SPMIP2: variants seen among roughly 807,000 people sequenced by gnomAD.
The protein encoded by SPMIP2 is sperm microtubule inner protein 2, also known as protein SPMIP2.
the SPMIP2 span, among the ~76,000 whole-genome samples, chr4:158,929,298 A>G: frequency 6.6e-6 from 1 of 152,280 alleles, no homozygotes; most frequent in Admixed American, 6.5e-5. Flanking sequence ...GATTACAGGC[A>G]TAAGCCAACA....
chr4:158,948,385 G>A, the SPMIP2 span, among the ~76,000 whole-genome samples: 1 of 152,146 alleles, frequency 6.6e-6, no homozygotes, highest in East Asian at 1.9e-4. Context: ...CTCATTGGTT[G>A]GGTATAAAAT....
chr4:159,012,178 A>G, the SPMIP2 span, among the ~76,000 whole-genome samples: 1 of 152,196 alleles, frequency 6.6e-6, no homozygotes, highest in African/African-American at 2.4e-5. Context: ...CTGAGGTAGG[A>G]GGATCACTTG....
the SPMIP2 span, among the ~76,000 whole-genome samples, chr4:159,012,072 A>T: frequency 2.2e-5 from 3 of 137,270 alleles, no homozygotes; most frequent in African/African-American, 8.0e-5. Context: ...AAAAAAAAAA[A>T]TTATTCCTCA....
At chr4:159,034,238 T>A in the SPMIP2 span, among the ~76,000 whole-genome samples, 1 of 152,258 alleles carries the variant, frequency 6.6e-6, no homozygotes, top group South Asian at 2.1e-4. Context: ...GATATTATTA[T>A]AATTTCACAC....
At chr4:158,999,059 G>C in the SPMIP2 span, among the ~76,000 whole-genome samples, 1 of 151,962 alleles carries the variant, frequency 6.6e-6, no homozygotes, top group Non-Finnish European at 1.5e-5. Flanking sequence ...AGCTACTTGA[G>C]AGGTTGAGGC....
At chr4:159,057,260 T>C in the SPMIP2 span, among the ~76,000 whole-genome samples, 2 of 152,192 alleles carry the variant, frequency 1.3e-5, no homozygotes, top group African/African-American at 4.8e-5. Flanking sequence ...CAAGGAACAG[T>C]AGCTCTCATT....
chr4:158,893,196 A>T, the SPMIP2 span: 1 of 152,838 alleles, frequency 6.5e-6, no homozygotes, highest in African/African-American at 2.4e-5. Flanking sequence ...AATTAGGGAT[A>T]TAACTGCTTT....
chr4:158,969,996 G>A, the SPMIP2 span, among the ~76,000 whole-genome samples: 3 of 152,204 alleles, frequency 2.0e-5, no homozygotes, highest in African/African-American at 7.2e-5. Context: ...AGAACGAACA[G>A]GAAGTGGATT....
the SPMIP2 span, among the ~76,000 whole-genome samples, chr4:158,960,809 C>T: frequency 2.0e-5 from 3 of 151,752 alleles, no homozygotes; most frequent in Admixed American, 1.3e-4. Context: ...GATTTGAAAA[C>T]TCCTTTCAGA....
the SPMIP2 span, among the ~76,000 whole-genome samples, chr4:158,970,077 T>C: frequency 6.6e-6 from 1 of 152,226 alleles, no homozygotes; most frequent in South Asian, 2.1e-4. Flanking sequence ...CCTGGGTTAA[T>C]GCCACCACTC....
the SPMIP2 span, among the ~76,000 whole-genome samples, chr4:158,987,774 TATA>T: frequency 2.6e-5 from 4 of 151,888 alleles, no homozygotes; most frequent in Admixed American, 6.6e-5. Flanking sequence ...AAACTTAAAG[TATA>T]ATAATAATAA....
chr4:159,078,211 A>G, the SPMIP2 span, among the ~76,000 whole-genome samples: 1 of 152,236 alleles, frequency 6.6e-6, no homozygotes, highest in Non-Finnish European at 1.5e-5. Flanking sequence ...TATGTATTTT[A>G]CGTCATGATT....
chr4:158,986,489 C>A, the SPMIP2 span, among the ~76,000 whole-genome samples: 2 of 149,082 alleles, frequency 1.3e-5, no homozygotes, highest in Admixed American at 6.8e-5. Flanking sequence ...CGCATATCTA[C>A]AGCTATCTGA....
the SPMIP2 span, among the ~76,000 whole-genome samples, chr4:159,070,030 A>G: frequency 1.1e-4 from 17 of 152,104 alleles, no homozygotes; most frequent in Non-Finnish European, 2.4e-4. Flanking sequence ...GCAAAGTACA[A>G]GAAGGAGGTG....
At chr4:159,062,855 AT>A in the SPMIP2 span, among the ~76,000 whole-genome samples, 803 of 137,658 alleles carry the variant, frequency 5.8e-3, 3 homozygotes, top group African/African-American at 0.013. Flanking sequence ...GGCCTGGCTA[AT>A]TTTTTTTTTT....
the SPMIP2 span, among the ~76,000 whole-genome samples, chr4:159,050,204 ATTTT>A: frequency 1.7e-5 from 2 of 114,504 alleles, no homozygotes; most frequent in Admixed American, 8.9e-5. Context: ...CCACCACTGT[ATTTT>A]TTTTTTTTTT....
At chr4:159,068,062 G>A in the SPMIP2 span, among the ~76,000 whole-genome samples, 1 of 152,150 alleles carries the variant, frequency 6.6e-6, no homozygotes, top group Admixed American at 6.5e-5. Context: ...ACTGTTGGTG[G>A]GACTGTAAAC....
chr4:158,948,190 TCCCTTTG>T, the SPMIP2 span, among the ~76,000 whole-genome samples: 1 of 152,162 alleles, frequency 6.6e-6, no homozygotes, highest in African/African-American at 2.4e-5. Context: ...TCTTAGGAAT[TCCCTTTG>T]CCCGTCACCC....
At chr4:159,031,555 A>G in the SPMIP2 span, among the ~76,000 whole-genome samples, 1 of 152,372 alleles carries the variant, frequency 6.6e-6, no homozygotes, top group African/African-American at 2.4e-5. Context: ...AACTGTAAAA[A>G]TACATTTTAG....
Sources: gnomAD v4.1 joint callset for allele counts (sites outside exome capture counted in the v4.1 genomes callset) on GRCh38, gnomAD v4.1.1 for gene constraint, MANE v1.5 for transcripts, NCBI Gene and HGNC (gene_info 2026-07-23, HGNC 2026-07-21) for gene names.